IRF2BP2: variants seen among roughly 807,000 people sequenced by gnomAD.
The protein encoded by IRF2BP2 is interferon regulatory factor 2-binding protein 2.
In IRF2BP2, 13 loss-of-function variants were observed where a neutral mutation model predicts 32.7. The observed-to-expected ratio is 0.40, with a 90% CI of 0.26 to 0.63. The LOEUF (loss-of-function observed/expected upper bound fraction) is 0.63. IRF2BP2 is among the 30% of genes least tolerant of loss of function. IRF2BP2 has a pLI of 0.42. For missense variants in IRF2BP2, 980 were observed against 830.6 expected (o/e 1.18, Z -2.21); for synonymous variants, 555 against 384.6 (o/e 1.44, Z -5.18).
Position 234,606,976 on chromosome 1 carries a change from A to G in IRF2BP2, c.*161T>C. The G allele has an allele frequency of 1.7e-6, 1 of 589,880 alleles. No individual in the cohort carries two copies. The highest frequency in any genetic ancestry group is 2.8e-5 in the East Asian group (1 of 35,320). The allele number at this position is 589,880 out of a possible 1,614,324, so 36.5% of individuals were successfully genotyped here. A position where few individuals can be genotyped will look rare whatever the true frequency, so the allele number is the denominator to read the frequency against. ...TACATACCTTTTGTCGTCAAAAAAA[A>G]TATAGAAACACAATGTATTCAAAAA... On this transcript the variant is annotated 3_prime_UTR_variant, in exon 2 of 2. Transcript: ENST00000366609.
rs1193446784 is a variant in IRF2BP2, at chr1:234,607,596, T to C, written c.1305A>G (p.Ala435=). 5 of 1,614,146 alleles carry C rather than the reference T, an allele frequency of 3.1e-6. No homozygotes were observed. In the African/African-American group the frequency reaches 5.3e-5, roughly 17 times the overall value. ...CATCTTTTGAGGCATGACTGCCCCC[T>C]GCATTGTCTGCTACTAAGATCAGGG... is the stretch of plus-strand genomic sequence containing the variant. ...MAALILVADN[A]GGSHASKDAN... The change falls in exon 2 of 2, where the codon GCA becomes GCG. Residue 435 remains alanine, a synonymous_variant. Coordinates refer to ENST00000366609, the MANE Select transcript of IRF2BP2 (RefSeq NM_182972.3).
Position 234,608,685 on chromosome 1 carries a change from G to A in IRF2BP2, c.810C>T (p.Ala270=). 6 of 1,510,536 alleles carry A rather than the reference G, an allele frequency of 4.0e-6. No homozygotes were observed. Among genetic ancestry groups the A allele is most frequent in the Non-Finnish European group, 5.3e-6 (6 of 1,140,410 alleles). The allele number at this position is 1,510,536 out of a possible 1,614,324, so 93.6% of individuals were successfully genotyped here. A position where few individuals can be genotyped will look rare whatever the true frequency, so the allele number is the denominator to read the frequency against. ...QPPPPAHRGP[A]DSLSTAAGAA... ...CCCCGGCCGCGGTGGACAGGCTGTC[G>A]GCCGGGCCCCGGTGCGCAGGCGGCG... is the stretch of plus-strand genomic sequence containing the variant. The change falls in exon 1 of 2, where the codon GCC becomes GCT. Residue 270 remains alanine (A), a synonymous_variant. Transcript: ENST00000366609.
rs765759845 is a variant in IRF2BP2 at position 234,607,862 on chromosome 1, CAAAG to C, written c.1049-14_1049-11del. ...CTTGCTGTTCTTGCAACTGGAAACA[CAAAG>C]AAATAAAAGGAAAAAGGTAACATAA... On this transcript the variant is annotated splice_polypyrimidine_tract_variant and intron_variant, in intron 1 of 1. Transcript: ENST00000366609. 7 of 1,539,588 alleles carry C rather than the reference CAAAG, an allele frequency of 4.5e-6. No homozygotes were observed. The highest frequency in any genetic ancestry group is 4.2e-5 in the Admixed American group (2 of 47,792).
In IRF2BP2 at chr1:234,606,578, A is replaced by G. The variant is rs1672166927; in HGVS notation, c.*559T>C. The G allele has an allele frequency of 6.6e-6, 1 of 152,286 alleles. No individual in the cohort carries two copies. The highest frequency in any genetic ancestry group is 1.5e-5 in the Non-Finnish European group (1 of 68,080). 9.4% of individuals were successfully genotyped at this position (152,286 alleles called of 1,614,324 possible). A position where few individuals can be genotyped will look rare whatever the true frequency, so the allele number is the denominator to read the frequency against. On this transcript the variant is annotated 3_prime_UTR_variant, in exon 2 of 2. Transcript: ENST00000366609. ...TGAGCAAAATAGAGATTCAAAATCCACTTTCCTACTCCTCTGAGGACAATG... is the reference window on the plus strand; with the variant it reads ...TGAGCAAAATAGAGATTCAAAATCCGCTTTCCTACTCCTCTGAGGACAATG...
rs1672297756 is a variant in IRF2BP2, at chr1:234,609,830, G to A, written c.-336C>T. ...GGGGGCTCGGCCGGAGCCGCGGCGG[G>A]CCTCCAGACCGGGGCGAAGACGGGC... On this transcript the variant is annotated 5_prime_UTR_variant, in exon 1 of 2. Transcript: ENST00000366609. Among the ~76,000 whole-genome samples, 1 of 142,032 alleles carries A rather than the reference G, an allele frequency of 7.0e-6. No homozygotes were observed. Among genetic ancestry groups the A allele is most frequent in the South Asian group, 2.1e-4 (1 of 4,678 alleles). 93.2% of individuals were successfully genotyped at this position (142,032 alleles called of 152,430 possible).
At position 234,609,712 on chromosome 1, in the gene IRF2BP2, G is replaced by C. The variant is rs1328878531; in HGVS notation, c.-218C>G. 6.9e-6 allele frequency among the ~76,000 whole-genome samples: 1 copy of C among 144,344 alleles called. No individual in the cohort carries two copies. The highest frequency in any genetic ancestry group is 2.1e-4 in the South Asian group (1 of 4,740). 94.7% of individuals were successfully genotyped at this position (144,344 alleles called of 152,430 possible). On this transcript the variant is annotated 5_prime_UTR_variant, in exon 1 of 2. Coordinates refer to ENST00000366609, the MANE Select transcript of IRF2BP2 (RefSeq NM_182972.3). ...CCGGTGCACGAGGGGCGGCGGGCGC[G>C]AGGTGAGGGGCTGCAGCCGCGGCAG...
chr1:234,607,596 T>G lies in IRF2BP2; in HGVS notation c.1305A>C (p.Ala435=). Residue 435 remains alanine (A), a synonymous_variant, in exon 2 of 2, where the codon GCA becomes GCC. Coordinates refer to ENST00000366609, the MANE Select transcript of IRF2BP2 (RefSeq NM_182972.3). ...CATCTTTTGAGGCATGACTGCCCCC[T>G]GCATTGTCTGCTACTAAGATCAGGG... ...MAALILVADN[A]GGSHASKDAN... The G allele has an allele frequency of 2.5e-6, 4 of 1,614,264 alleles. No homozygotes were observed. The highest frequency in any genetic ancestry group is 3.4e-6 in the Non-Finnish European group (4 of 1,180,048).
rs760718630 is a variant in IRF2BP2 at position 234,608,470 on chromosome 1, T to A, written c.1025A>T (p.Asn342Ile). The change falls in exon 1 of 2, where the codon AAC becomes ATC. Residue 342 changes from asparagine (N) to isoleucine (I), a missense_variant. Physicochemically the swap from Asn to Ile is moderately radical, Grantham distance 149. Transcript: ENST00000366609. ...TAGRLLGFEA[N>I]GANGSKAVAR... Reference sequence around the variant, plus strand: ...ACCTGCTTTAGACCCGTTGGCCCCGTTGGCCTCGAAACCCAACAACCTGCC... The same window carrying A: ...ACCTGCTTTAGACCCGTTGGCCCCGATGGCCTCGAAACCCAACAACCTGCC... The A allele has an allele frequency of 1.3e-6, 2 of 1,594,130 alleles. No homozygotes were observed. The highest frequency in any genetic ancestry group is 2.7e-5 in the African/African-American group (2 of 74,434).
rs879753707 is a variant in IRF2BP2, at chr1:234,609,156, G to C, written c.339C>G (p.Ala113=). The stretch of plus-strand genomic sequence containing the variant: ...CGGCCGCCAACGGGTAGCGCTCCAA[G>C]GCCTGCGGCGCGCGCGGGGCCGCCT... ...GPEAAPRAPQ[A]LERYPLAAAA... is the part of the protein sequence containing the mutation. The change falls in exon 1 of 2, where the codon GCC becomes GCG. Residue 113 remains alanine, a synonymous_variant. Transcript: ENST00000366609. The C allele has an allele frequency of 2.4e-6, 3 of 1,271,896 alleles. No homozygotes were observed. Among genetic ancestry groups the C allele is most frequent in the Non-Finnish European group, 3.0e-6 (3 of 1,012,606 alleles). The allele number at this position is 1,271,896 out of a possible 1,614,324, so 78.8% of individuals were successfully genotyped here.
At position 234,605,564 on chromosome 1, in the gene IRF2BP2, T is replaced by C. The variant is rs1672137742; in HGVS notation, c.*1573A>G. The C allele has an allele frequency of 6.6e-6, 1 of 152,164 alleles. No homozygotes were observed. The highest frequency in any genetic ancestry group is 6.5e-5 in the Admixed American group (1 of 15,272). The allele number at this position is 152,164 out of a possible 1,614,324, so 9.4% of individuals were successfully genotyped here. A position where few individuals can be genotyped will look rare whatever the true frequency, so the allele number is the denominator to read the frequency against. ...TAACTAAAAAAGAATCCAAAGTTGG[T>C]AAAAATCTGTATTTTCAAATGTAAA... On this transcript the variant is annotated 3_prime_UTR_variant, in exon 2 of 2. Transcript: ENST00000366609.
At position 234,608,547 on chromosome 1, in the gene IRF2BP2, G is replaced by A. The variant is rs762414875; in HGVS notation, c.948C>T (p.Gly316=). The change falls in exon 1 of 2, where the codon GGC becomes GGT. Residue 316 remains glycine, a synonymous_variant. Transcript: ENST00000366609. ...RDTLLALHQH[G]HSGPFESKFK... ...ACTTGCTCTCGAAGGGCCCCGAGTG[G>A]CCGTGCTGGTGCAGCGCCAGCAGCG... is the stretch of plus-strand genomic sequence containing the variant. 20 of 1,609,926 alleles carry A rather than the reference G, an allele frequency of 1.2e-5. No homozygotes were observed. In the South Asian group the frequency reaches 2.1e-4, roughly 17 times the overall value.
At position 234,608,456 on chromosome 1, in the gene IRF2BP2, ACCCGTTGGC is replaced by A. The variant is rs551125252; in HGVS notation, c.1030_1038del (p.Ala344_Gly346del). The A allele has an allele frequency of 9.1e-5, 144 of 1,576,378 alleles. No individual in the cohort carries two copies. Among genetic ancestry groups the A allele is most frequent in the South Asian group, 6.1e-4 (52 of 85,708 alleles). ...TCACAGCCGCCCCTACCTGCTTTAG[ACCCGTTGGC>A]CCCGTTGGCCTCGAAACCCAACAAC... On this transcript the variant is annotated inframe_deletion, in exon 1 of 2. Coordinates refer to ENST00000366609, the MANE Select transcript of IRF2BP2 (RefSeq NM_182972.3).
chr1:234,606,995 TC>T lies in IRF2BP2; in HGVS notation c.*141del. On this transcript the variant is annotated 3_prime_UTR_variant, in exon 2 of 2. Coordinates refer to ENST00000366609, the MANE Select transcript of IRF2BP2 (RefSeq NM_182972.3). ...AAAAAAATATAGAAACACAATGTAT[TC>T]AAAAAAAATCAAAATTATACAGCCA... 1.5e-6 allele frequency: 1 copy of T among 653,952 alleles called. No individual in the cohort carries two copies. The highest frequency in any genetic ancestry group is 2.6e-6 in the Non-Finnish European group (1 of 387,860). The allele number at this position is 653,952 out of a possible 1,614,324, so 40.5% of individuals were successfully genotyped here. A position where few individuals can be genotyped will look rare whatever the true frequency, so the allele number is the denominator to read the frequency against.
In IRF2BP2 at chr1:234,609,537, G is replaced by T. The variant is rs1470215863; in HGVS notation, c.-43C>A. 2.4e-6 allele frequency: 3 copies of T among 1,263,670 alleles called. No individual in the cohort carries two copies. The highest frequency in any genetic ancestry group is 1.8e-5 in the South Asian group (1 of 56,462). The allele number at this position is 1,263,670 out of a possible 1,614,324, so 78.3% of individuals were successfully genotyped here. A position where few individuals can be genotyped will look rare whatever the true frequency, so the allele number is the denominator to read the frequency against. ...CGCCGGAGGAGGAGGCGGAGGAGGAGGAGGGGGCGCCGCCGCCGCCCCCCA... is the reference window on the plus strand; with the variant it reads ...CGCCGGAGGAGGAGGCGGAGGAGGATGAGGGGGCGCCGCCGCCGCCCCCCA... On this transcript the variant is annotated 5_prime_UTR_variant, in exon 1 of 2. Coordinates refer to ENST00000366609, the MANE Select transcript of IRF2BP2 (RefSeq NM_182972.3).
In IRF2BP2 at chr1:234,609,675, C is replaced by A; in HGVS notation, c.-181G>T. The A allele has an allele frequency of 1.2e-5, 2 of 171,372 alleles. No homozygotes were observed. The highest frequency in any genetic ancestry group is 3.5e-4 in the South Asian group (2 of 5,742). The allele number at this position is 171,372 out of a possible 1,614,324, so 10.6% of individuals were successfully genotyped here. ...GCAAAGCCCGCGAAGGCTCGGCGCC[C>A]GCGCAGCGCCCCCGGTGCACGAGGG... is the stretch of plus-strand genomic sequence containing the variant. On this transcript the variant is annotated 5_prime_UTR_variant, in exon 1 of 2. Transcript: ENST00000366609.
intron 1 of IRF2BP2, 76 bp from the exon 2 acceptor site, chr1:234,607,928 C>T (rs896063743): frequency 2.5e-6 from 3 of 1,197,038 alleles, no homozygotes; most frequent in Non-Finnish European, 2.3e-6. Flanking sequence ...CTCTTCCTAA[C>T]CCGAAACAAA....
intron 1 of IRF2BP2, among the ~76,000 whole-genome samples, 155 bp downstream of exon 1, chr1:234,608,292 T>C (rs1672222946): frequency 1.3e-5 from 2 of 152,210 alleles, no homozygotes; most frequent in African/African-American, 4.8e-5. Context: ...ATGAACACGT[T>C]GCCACCAAGC....
Position 234,609,308 on chromosome 1 carries a change from G to C in IRF2BP2, c.187C>G (p.His63Asp). ...GAGCGACCCTCCGGGAAGCAGCCGT[G>C]CGCCCGCTTGAGCTGCCGCGCCGTC... ...IETARQLKRA[H>D]GCFPEGRSPP... is the part of the protein sequence containing the mutation. The change falls in exon 1 of 2, where the codon CAC (histidine) becomes GAC (aspartate). Residue 63 changes from histidine to aspartate, a missense_variant. Transcript: ENST00000366609. The C allele has an allele frequency of 6.7e-7, 1 of 1,499,626 alleles. No individual in the cohort carries two copies. The highest frequency in any genetic ancestry group is 8.9e-7 in the Non-Finnish European group (1 of 1,124,810). The allele number at this position is 1,499,626 out of a possible 1,614,324, so 92.9% of individuals were successfully genotyped here. A position where few individuals can be genotyped will look rare whatever the true frequency, so the allele number is the denominator to read the frequency against.
chr1:234,607,061 T>C lies in IRF2BP2; in HGVS notation c.*76A>G, dbSNP rs1672183756. The C allele has an allele frequency of 3.0e-6, 3 of 1,006,862 alleles. No homozygotes were observed. The highest frequency in any genetic ancestry group is 3.1e-5 in the South Asian group (2 of 64,514). 62.4% of individuals were successfully genotyped at this position (1,006,862 alleles called of 1,614,324 possible). ...ACATTTCCCTTGTCTTGGATATATA[T>C]ATATATGGAGATATATATACAATTC... On this transcript the variant is annotated 3_prime_UTR_variant, in exon 2 of 2. Transcript: ENST00000366609.
Sources: gnomAD v4.1 joint callset for allele counts (sites outside exome capture counted in the v4.1 genomes callset) on GRCh38, gnomAD v4.1.1 for gene constraint, MANE v1.5 for transcripts, NCBI Gene and HGNC (gene_info 2026-07-23, HGNC 2026-07-21) for gene names.